Variants in NRXN3 observed in about 807,000 individuals in gnomAD.
NRXN3 encodes neurexin III.
Under a neutral mutation model 137.6 loss-of-function variants are expected in NRXN3, and 32 were observed. The observed-to-expected ratio is 0.23, with a 90% CI of 0.18 to 0.31. The LOEUF (loss-of-function observed/expected upper bound fraction) is 0.31. Among genes scored for constraint, NRXN3 ranks in the 10% least tolerant of loss-of-function variants. The pLI is 1.00. For missense variants in NRXN3, 1,574 were observed against 2,062.5 expected (o/e 0.76, Z 4.59); for synonymous variants, 798 against 784.5 (o/e 1.02, Z -0.29).
chr14:79,821,450 T>C (rs2099272195), intron 20 of NRXN3, among the ~76,000 whole-genome samples: 1 of 152,156 alleles, frequency 6.6e-6, no homozygotes, highest in Admixed American at 6.5e-5. Flanking sequence ...AAATGAAACA[T>C]TTTAAAAACA....
At chr14:78,557,265 G>C (rs2096747910) in intron 4 of NRXN3, among the ~76,000 whole-genome samples, 1 of 148,570 alleles carries the variant, frequency 6.7e-6, no homozygotes, top group Non-Finnish European at 1.5e-5. Flanking sequence ...ATGTTGCTCA[G>C]GCTGGTCTCG....
rs113723204 is a variant in NRXN3, at chr14:79,341,390, A to G, written c.3263-125831A>G. On this transcript the variant is annotated intron_variant, in intron 15 of 20. Coordinates refer to ENST00000335750, the MANE Select transcript of NRXN3 (RefSeq NM_001330195.2). ...ACCTTTCGCTGCAAATCCTATAAGC[A>G]CTTGCCACTCAAAGTGCGATCCACA... Among the ~76,000 whole-genome samples the G allele has an allele frequency of 5.9e-5, 9 of 152,238 alleles. 1 individual carries two copies. The highest frequency in any genetic ancestry group is 2.2e-4 in the African/African-American group (9 of 41,522).
intron 14 of NRXN3, among the ~76,000 whole-genome samples, chr14:78,970,098 A>T (rs2099431638): frequency 6.6e-6 from 1 of 152,208 alleles, no homozygotes; most frequent in African/African-American, 2.4e-5. Flanking sequence ...ATGAAGTCAA[A>T]TCACAATATA....
chr14:79,362,766 G>A (rs2093730990), intron 15 of NRXN3, among the ~76,000 whole-genome samples: 2 of 152,160 alleles, frequency 1.3e-5, no homozygotes. Flanking sequence ...GCTAAATTGG[G>A]CTTTATCCCC....
intron 4 of NRXN3, chr14:78,403,804 C>T (rs180818834): frequency 2.0e-6 from 2 of 985,402 alleles, no homozygotes; most frequent in Non-Finnish European, 2.4e-6. Flanking sequence ...GTTTCTGCCC[C>T]CTGAGGTTGT....
intron 2 of NRXN3, among the ~76,000 whole-genome samples, chr14:78,269,326 G>T (rs918524928): frequency 6.6e-6 from 1 of 152,206 alleles, no homozygotes; most frequent in Non-Finnish European, 1.5e-5. Flanking sequence ...TATGCTAAGT[G>T]GAATAAGCCA....
In NRXN3 at chr14:78,664,678, C is replaced by A. The variant is rs921524665; in HGVS notation, c.1221+13352C>A. On this transcript the variant is annotated intron_variant, in intron 6 of 20. Coordinates refer to ENST00000335750, the MANE Select transcript of NRXN3 (RefSeq NM_001330195.2). The stretch of plus-strand genomic sequence containing the variant: ...AGTACTTTATTATATGCTCCTATAG[C>A]TCTCAGTTCAAAACTTCAATGCATT... 3.9e-5 allele frequency among the ~76,000 whole-genome samples: 6 copies of A among 152,328 alleles called. No individual in the cohort carries two copies. The East Asian group carries it at 1.2e-3, about 29-fold the overall frequency.
intron 4 of NRXN3, among the ~76,000 whole-genome samples, chr14:78,489,164 G>T (rs746550285): frequency 6.6e-6 from 1 of 152,180 alleles, no homozygotes; most frequent in Admixed American, 6.5e-5. Flanking sequence ...GGCTGAAAAT[G>T]TCTCTCCAGG....
At chr14:79,535,625 A>G (rs73324284) in intron 16 of NRXN3, among the ~76,000 whole-genome samples, 3,377 of 152,268 alleles carry the variant, frequency 0.022, 140 homozygotes, top group East Asian at 0.15. Context: ...AGCACATGCT[A>G]TATACCAGGC....
At chr14:78,476,147 G>A (rs753544097) in intron 4 of NRXN3, among the ~76,000 whole-genome samples, 1 of 152,174 alleles carries the variant, frequency 6.6e-6, no homozygotes, top group Non-Finnish European at 1.5e-5. Context: ...GTGTCACACA[G>A]TATTGGGCAA....
In NRXN3 at chr14:78,264,491, G is replaced by A. The variant is rs139866784; in HGVS notation, c.710-14154G>A. On this transcript the variant is annotated intron_variant, in intron 2 of 20. Transcript: ENST00000335750. ...ATTAGGTCAGTGGCAGAGTTGGGGAGGGGAGGGAATCTGGGCCCTGTTCTT... is the reference window on the plus strand; with the variant it reads ...ATTAGGTCAGTGGCAGAGTTGGGGAAGGGAGGGAATCTGGGCCCTGTTCTT... Among the ~76,000 whole-genome samples the A allele has an allele frequency of 2.2e-4, 34 of 152,278 alleles. 1 individual carries two copies. In the East Asian group the frequency reaches 5.4e-3, roughly 24 times the overall value.
chr14:78,771,198 C>A (rs1483817214), intron 8 of NRXN3, among the ~76,000 whole-genome samples: 1 of 152,106 alleles, frequency 6.6e-6, no homozygotes, highest in Non-Finnish European at 1.5e-5. Flanking sequence ...GAGCAAAAAC[C>A]ACCTCTTGAA....
intron 16 of NRXN3, among the ~76,000 whole-genome samples, chr14:79,620,295 C>G (rs2153897427): frequency 6.6e-6 from 1 of 152,214 alleles, no homozygotes; most frequent in East Asian, 1.9e-4. Flanking sequence ...ATGTAAAACA[C>G]TGATGTAATA....
At chr14:78,376,209 G>C (rs766955807) in intron 4 of NRXN3, among the ~76,000 whole-genome samples, 1 of 152,174 alleles carries the variant, frequency 6.6e-6, no homozygotes, top group African/African-American at 2.4e-5. Context: ...ACAGGAACTA[G>C]GGCTAACATA....
rs377755685 is a variant in NRXN3 at position 78,783,529 on chromosome 14, T to C, written c.2045-20091T>C. Among the ~76,000 whole-genome samples the C allele has an allele frequency of 5.9e-5, 9 of 152,132 alleles. No homozygotes were observed. In the East Asian group the frequency reaches 9.6e-4, roughly 16 times the overall value. On this transcript the variant is annotated intron_variant, in intron 8 of 20. Transcript: ENST00000335750. ...TGAATAAGGCCTGAAGTTTAAAATA[T>C]TGAATCAATGTATATTTGCTATGAT...
chr14:79,358,634 A>AAAGAAAGAAAGAAAGAAAGAAAGAAAGG (rs2093557524), intron 15 of NRXN3, among the ~76,000 whole-genome samples: 1 of 150,560 alleles, frequency 6.6e-6, no homozygotes, highest in Non-Finnish European at 1.5e-5. Context: ...AGAAAGAAAG[A>AAAGAAAGAAAGAAAGAAAGAAAGAAAGG]AAGAAAGAAA....
At chr14:79,602,900 C>T (rs925829378) in intron 16 of NRXN3, among the ~76,000 whole-genome samples, 4 of 152,160 alleles carry the variant, frequency 2.6e-5, no homozygotes, top group Non-Finnish European at 5.9e-5. Flanking sequence ...TACCTAATGG[C>T]ATTTGATCGT....
chr14:79,624,453 A>ATG (rs3061395), intron 16 of NRXN3, among the ~76,000 whole-genome samples: 1 of 146,970 alleles, frequency 6.8e-6, no homozygotes, highest in South Asian at 2.1e-4. Context: ...ATATATATAT[A>ATG]TGTATACATA....
chr14:78,721,772 T>G (rs1318971474), intron 8 of NRXN3, among the ~76,000 whole-genome samples: 1 of 152,172 alleles, frequency 6.6e-6, no homozygotes, highest in Non-Finnish European at 1.5e-5. Flanking sequence ...TTTTGATAGA[T>G]AATGACATGT....
Sources: gnomAD v4.1 joint callset for allele counts (sites outside exome capture counted in the v4.1 genomes callset) on GRCh38, gnomAD v4.1.1 for gene constraint, MANE v1.5 for transcripts, NCBI Gene and HGNC (gene_info 2026-07-23, HGNC 2026-07-21) for gene names.